The following DCC variants were observed in gnomAD, a reference collection of about 807,000 sequenced individuals.
DCC encodes DCC netrin 1 receptor.
In DCC, 58 loss-of-function variants were observed where a neutral mutation model predicts 172.5. The ratio of observed to expected loss-of-function variants is 0.34; its 90% CI spans 0.27 to 0.42. DCC has a LOEUF of 0.42. Ranked by LOEUF, DCC falls within the 10% of genes least tolerant of loss-of-function variation. The pLI is 1.00. For missense variants in DCC, 1,740 were observed against 1,791.0 expected (o/e 0.97, Z 0.51); for synonymous variants, 709 against 644.5 (o/e 1.10, Z -1.52).
chr18:53,512,453 T>C (rs867490717), intron 27 of DCC, among the ~76,000 whole-genome samples: 3 of 151,160 alleles, frequency 2.0e-5, no homozygotes, highest in Non-Finnish European at 4.4e-5. Flanking sequence ...GGAACAAAGC[T>C]GGATGGAGAA....
At chr18:53,011,162 G>A (rs1422113467) in intron 5 of DCC, among the ~76,000 whole-genome samples, 3 of 151,434 alleles carry the variant, frequency 2.0e-5, no homozygotes, top group African/African-American at 2.4e-5. Context: ...AATAATGAAC[G>A]TGATAATGTT....
chr18:53,486,715 C>T, intron 25 of DCC, 82 bp from the exon 26 acceptor site: 3 of 1,586,846 alleles, frequency 1.9e-6, no homozygotes, highest in Non-Finnish European at 2.6e-6. Flanking sequence ...ATTTGAGGAT[C>T]TGAAAATTCC....
intron 1 of DCC, among the ~76,000 whole-genome samples, chr18:52,514,489 A>G (rs963007342): frequency 6.6e-6 from 1 of 152,244 alleles, no homozygotes; most frequent in Non-Finnish European, 1.5e-5. Context: ...GACATTACCA[A>G]ATATCCCCTA....
In DCC at chr18:53,391,846, G is replaced by A. The variant is rs187939463; in HGVS notation, c.2647G>A (p.Val883Ile). 37 of 1,612,876 alleles carry A rather than the reference G, an allele frequency of 2.3e-5. No individual in the cohort carries two copies. The highest frequency in any genetic ancestry group is 1.1e-4 in the South Asian group (10 of 91,070). ...QKTSEVRLYT[V>I]RWRTSFSASA... ...GACGTCTGAGGTGCGACTTTACACCGTCCGGTGGAGAACCAGCTTTTCTGC... is the reference window on the plus strand; with the variant it reads ...GACGTCTGAGGTGCGACTTTACACCATCCGGTGGAGAACCAGCTTTTCTGC... Residue 883 changes from valine to isoleucine, a missense_variant, in exon 17 of 29, where the codon GTC becomes ATC. Physicochemically the swap from Val to Ile is conservative, Grantham distance 29 (BLOSUM62 3). Coordinates refer to ENST00000442544, the MANE Select transcript of DCC (RefSeq NM_005215.4).
In DCC at chr18:53,047,394, AAT is replaced by A. The variant is rs1251343057; in HGVS notation, c.986-15908_986-15907del. Among the ~76,000 whole-genome samples the A allele has an allele frequency of 6.5e-4, 79 of 121,094 alleles. 4 individuals are homozygous for A. The highest frequency in any genetic ancestry group is 2.2e-3 in the African/African-American group (73 of 33,102). The allele number at this position is 121,094 out of a possible 152,430, so 79.4% of individuals were successfully genotyped here. On this transcript the variant is annotated intron_variant, in intron 5 of 28. Coordinates refer to ENST00000442544, the MANE Select transcript of DCC (RefSeq NM_005215.4). ...AATATATACTTTATATATTATATAA[AAT>A]ATGTTATATATTTTATGTATTATAT...
chr18:53,097,253 T>C (rs2043100927), intron 7 of DCC, among the ~76,000 whole-genome samples: 1 of 152,178 alleles, frequency 6.6e-6, no homozygotes, highest in Non-Finnish European at 1.5e-5. Context: ...AAGGTGTAAA[T>C]TGAGTCAGTT....
chr18:52,538,418 A>AT (rs1336908301), intron 1 of DCC, among the ~76,000 whole-genome samples: 10 of 152,206 alleles, frequency 6.6e-5, no homozygotes, highest in Non-Finnish European at 1.3e-4. Flanking sequence ...ATACACACAC[A>AT]TAACCACACA....
intron 5 of DCC, among the ~76,000 whole-genome samples, chr18:52,952,082 A>G (rs1196644968): frequency 2.6e-5 from 4 of 152,196 alleles, no homozygotes. Flanking sequence ...CAATCTATAT[A>G]TTATGATCAC....
Position 52,920,037 on chromosome 18 carries a change from A to AG in DCC, c.698-3669dup, listed in dbSNP as rs34218735. ...TCCATATACAAAAAAAAAAAAAAAA[A>AG]GAATCCAGACATACCTTTCACAAAG... is the stretch of plus-strand genomic sequence containing the variant. On this transcript the variant is annotated intron_variant, in intron 3 of 28. Transcript: ENST00000442544. 5.9e-5 allele frequency among the ~76,000 whole-genome samples: 9 copies of AG among 151,326 alleles called. No individual in the cohort carries two copies. In the South Asian group the frequency reaches 1.2e-3, roughly 21 times the overall value.
At chr18:53,129,569 T>G (rs1194730396) in intron 7 of DCC, among the ~76,000 whole-genome samples, 1 of 152,140 alleles carries the variant, frequency 6.6e-6, no homozygotes, top group African/African-American at 2.4e-5. Flanking sequence ...TTCATATAAA[T>G]GGGAATGAAC....
At chr18:53,033,851 AC>A (rs1040881254) in intron 5 of DCC, among the ~76,000 whole-genome samples, 9 of 151,936 alleles carry the variant, frequency 5.9e-5, no homozygotes, top group African/African-American at 1.9e-4. Context: ...ATCCAACAAA[AC>A]TTTGCTTATT....
At chr18:52,969,588 T>A (rs398041492) in intron 5 of DCC, among the ~76,000 whole-genome samples, 1 of 82,184 alleles carries the variant, frequency 1.2e-5, no homozygotes, top group African/African-American at 4.3e-5. Flanking sequence ...CCCCCCACTC[T>A]CTCTCTCTCT....
At chr18:53,250,950 T>G (rs1213721726) in intron 12 of DCC, among the ~76,000 whole-genome samples, 1 of 151,966 alleles carries the variant, frequency 6.6e-6, no homozygotes, top group Non-Finnish European at 1.5e-5. Flanking sequence ...TCCGAACAGA[T>G]GAGCCTTGTT....
intron 7 of DCC, among the ~76,000 whole-genome samples, chr18:53,105,197 T>C (rs1400197245): frequency 6.6e-6 from 1 of 152,034 alleles, no homozygotes; most frequent in Non-Finnish European, 1.5e-5. Flanking sequence ...TTCTTTCTGG[T>C]GCTATTTCTT....
intron 22 of DCC, 77 bp from the exon 23 acceptor site, chr18:53,450,423 G>A: frequency 2.0e-6 from 3 of 1,532,766 alleles, no homozygotes; most frequent in Non-Finnish European, 1.8e-6. Context: ...TAGGAACTTT[G>A]TATATCCCAA....
At chr18:52,357,954 A>T (rs9960119) in intron 1 of DCC, among the ~76,000 whole-genome samples, 15,619 of 147,830 alleles carry the variant, frequency 0.11, 890 homozygotes, top group African/African-American at 0.12. Context: ...AAAAAAAAAA[A>T]AATCTGACAA....
chr18:53,259,289 C>T (rs1435890180), intron 12 of DCC, among the ~76,000 whole-genome samples: 1 of 152,152 alleles, frequency 6.6e-6, no homozygotes, highest in African/African-American at 2.4e-5. Flanking sequence ...TTAGTTGATG[C>T]CGTTTCTTCC....
At chr18:52,815,675 C>T (rs143826550) in intron 2 of DCC, among the ~76,000 whole-genome samples, 140 of 152,128 alleles carry the variant, frequency 9.2e-4, no homozygotes, top group Non-Finnish European at 1.7e-3. Flanking sequence ...TTCATGTTTA[C>T]AAAACAAAAT....
At chr18:53,229,231 T>C (rs1037861363) in intron 12 of DCC, among the ~76,000 whole-genome samples, 3 of 152,140 alleles carry the variant, frequency 2.0e-5, no homozygotes, top group Non-Finnish European at 4.4e-5. Flanking sequence ...TGGTATAATA[T>C]GCAAAGGCAA....
Sources: gnomAD v4.1 joint callset for allele counts (sites outside exome capture counted in the v4.1 genomes callset) on GRCh38, gnomAD v4.1.1 for gene constraint, MANE v1.5 for transcripts, NCBI Gene and HGNC (gene_info 2026-07-23, HGNC 2026-07-21) for gene names.